CNP: variants seen among roughly 807,000 people sequenced by gnomAD.
The protein encoded by CNP is 2',3'-cyclic nucleotide 3' phosphodiesterase, also known as 2',3'-cyclic-nucleotide 3'-phosphodiesterase.
CNP carries 8 observed loss-of-function variants against 37.9 expected under a neutral mutation model. That is an observed-to-expected ratio of 0.21 (90% CI 0.12 to 0.38). The LOEUF (loss-of-function observed/expected upper bound fraction) is 0.38, where lower values mean the gene tolerates loss of function less well. Ranked by LOEUF, CNP falls within the 10% of genes least tolerant of loss-of-function variation. The pLI is 1.00. For missense variants in CNP, 457 were observed against 551.0 expected (o/e 0.83, Z 1.71); for synonymous variants, 237 against 238.3 (o/e 0.99, Z 0.05).
chr17:41,976,830 C>T lies in CNP; in HGVS notation c.*2906C>T. ...GGATTTTCTAAGGAAGATCACTTTG[C>T]TCTGATTATGGAAAAGTCTTCAAGG... On this transcript the variant is annotated 3_prime_UTR_variant, in exon 4 of 4. Coordinates refer to ENST00000393892, the MANE Select transcript of CNP (RefSeq NM_033133.5). 1 of 1,587,802 alleles carries T rather than the reference C, an allele frequency of 6.3e-7. No individual in the cohort carries two copies.
Position 41,977,528 on chromosome 17 carries a change from G to A in CNP, c.*3604G>A, listed in dbSNP as rs944491285. On this transcript the variant is annotated 3_prime_UTR_variant, in exon 4 of 4. Transcript: ENST00000393892. ...CTACCTGATCCCACTCCTAGGACATGTTCCCTTCTCCTTCCAACTGCTGCC... is the reference window on the plus strand; with the variant it reads ...CTACCTGATCCCACTCCTAGGACATATTCCCTTCTCCTTCCAACTGCTGCC... 3.0e-5 allele frequency: 14 copies of A among 467,518 alleles called. No individual in the cohort carries two copies. The highest frequency in any genetic ancestry group is 5.4e-5 in the Non-Finnish European group (14 of 260,514). The allele number at this position is 467,518 out of a possible 1,614,324, so 29.0% of individuals were successfully genotyped here. A position where few individuals can be genotyped will look rare whatever the true frequency, so the allele number is the denominator to read the frequency against.
chr17:41,971,960 G>T lies in CNP; in HGVS notation c.745G>T (p.Val249Leu), dbSNP rs782282780. Reference protein sequence around the residue: ...VTYFGKRPPGVLHCTTKFCDY... With the variant: ...VTYFGKRPPGLLHCTTKFCDY... ...CTACTTTGGAAAGAGACCCCCAGGC[G>T]TGCTGCATTGCACAACCAAGTTTTG... is the stretch of plus-strand genomic sequence containing the variant. The change falls in exon 3 of 4, where the codon GTG (valine) becomes TTG (leucine). Residue 249 changes from valine to leucine, a missense_variant. By Grantham distance (32) the Val-to-Leu change is conservative. Coordinates refer to ENST00000393892, the MANE Select transcript of CNP (RefSeq NM_033133.5). The T allele has an allele frequency of 6.2e-7, 1 of 1,613,962 alleles. No individual in the cohort carries two copies. The highest frequency in any genetic ancestry group is 8.5e-7 in the Non-Finnish European group (1 of 1,179,982).
In CNP at chr17:41,976,807, ATTTT is replaced by A. The variant is rs2051093841; in HGVS notation, c.*2884_*2887del. The stretch of plus-strand genomic sequence containing the variant: ...AAGAGGGGTTGGTAGTTGGCTATGG[ATTTT>A]CTAAGGAAGATCACTTTGCTCTGAT... On this transcript the variant is annotated 3_prime_UTR_variant, in exon 4 of 4. Transcript: ENST00000393892. 6.2e-7 allele frequency: 1 copy of A among 1,600,212 alleles called. No individual in the cohort carries two copies. Among genetic ancestry groups the A allele is most frequent in the Non-Finnish European group, 8.5e-7 (1 of 1,176,856 alleles).
chr17:41,972,111 C>T lies in CNP; in HGVS notation c.816+80C>T, dbSNP rs1012080521. 1.0e-5 allele frequency: 16 copies of T among 1,545,276 alleles called. No homozygotes were observed. The East Asian group carries it at 1.2e-4, about 11-fold the overall frequency. On this transcript the variant is annotated intron_variant, in intron 3 of 3. Transcript: ENST00000393892. The stretch of plus-strand genomic sequence containing the variant: ...TGCAGCATCTTCTGAAGATAGGTAC[C>T]GGTGCCAGGCAGGGACCAAAAACCA...
Position 41,968,820 on chromosome 17 carries a change from A to C in CNP, c.676+80A>C. 1 of 1,443,978 alleles carries C rather than the reference A, an allele frequency of 6.9e-7. No individual in the cohort carries two copies. Among genetic ancestry groups the C allele is most frequent in the Non-Finnish European group, 9.2e-7 (1 of 1,081,856 alleles). The allele number at this position is 1,443,978 out of a possible 1,614,324, so 89.4% of individuals were successfully genotyped here. On this transcript the variant is annotated intron_variant, in intron 2 of 3. Coordinates refer to ENST00000393892, the MANE Select transcript of CNP (RefSeq NM_033133.5). The surrounding 1 kb of genome is among the most constrained non-coding windows in gnomAD (Gnocchi z 4.8). Reference sequence around the variant, plus strand: ...GGGCAAAGGACCATCATTGTACTCAAAGGATGGAGCACGAAGCAGCAGGAG... The same window carrying C: ...GGGCAAAGGACCATCATTGTACTCACAGGATGGAGCACGAAGCAGCAGGAG...
Position 41,974,072 on chromosome 17 carries a change from T to C in CNP, c.*148T>C. 1.5e-6 allele frequency: 1 copy of C among 662,628 alleles called. No individual in the cohort carries two copies. The allele number at this position is 662,628 out of a possible 1,614,324, so 41.0% of individuals were successfully genotyped here. On this transcript the variant is annotated 3_prime_UTR_variant, in exon 4 of 4. Coordinates refer to ENST00000393892, the MANE Select transcript of CNP (RefSeq NM_033133.5). ...ACTTTTTAAAAACTTGTAAAATAACTGACCCTCCCTTCCTGTCCGCCCTCT... is the reference window on the plus strand; with the variant it reads ...ACTTTTTAAAAACTTGTAAAATAACCGACCCTCCCTTCCTGTCCGCCCTCT...
At position 41,966,893 on chromosome 17, in the gene CNP, A is replaced by G. The variant is rs903089988; in HGVS notation, c.3+6A>G. On this transcript the variant is annotated splice_donor_region_variant and intron_variant, in intron 1 of 3. Transcript: ENST00000393892. ...TGGCGCCCCTCCTCATCATGGTGAGAGGCCGGGCGGGGCCGGGCACGGGGT... is the reference window on the plus strand; with the variant it reads ...TGGCGCCCCTCCTCATCATGGTGAGGGGCCGGGCGGGGCCGGGCACGGGGT... The G allele has an allele frequency of 5.2e-6, 7 of 1,348,182 alleles. No homozygotes were observed. The highest frequency in any genetic ancestry group is 3.9e-5 in the Admixed American group (1 of 25,896). 83.5% of individuals were successfully genotyped at this position (1,348,182 alleles called of 1,614,324 possible).
Position 41,974,806 on chromosome 17 carries a change from G to T in CNP, c.*882G>T, listed in dbSNP as rs951022668. ...GCTCCGCTGTGTGGATGGGGAGATCGGGGCCAGAGGCAGAACCCTGGTGAG... is the reference window on the plus strand; with the variant it reads ...GCTCCGCTGTGTGGATGGGGAGATCTGGGCCAGAGGCAGAACCCTGGTGAG... On this transcript the variant is annotated 3_prime_UTR_variant, in exon 4 of 4. Coordinates refer to ENST00000393892, the MANE Select transcript of CNP (RefSeq NM_033133.5). The T allele has an allele frequency of 1.3e-5, 2 of 152,342 alleles. No homozygotes were observed. The highest frequency in any genetic ancestry group is 4.8e-5 in the African/African-American group (2 of 41,442). The allele number at this position is 152,342 out of a possible 1,614,324, so 9.4% of individuals were successfully genotyped here.
At position 41,976,277 on chromosome 17, in the gene CNP, C is replaced by T. The variant is rs554096681; in HGVS notation, c.*2353C>T. On this transcript the variant is annotated 3_prime_UTR_variant, in exon 4 of 4. Transcript: ENST00000393892. The stretch of plus-strand genomic sequence containing the variant: ...AGGCACAGCCGGGGCCTGCCTAGCA[C>T]TCACATGCTGGACAGGTCTGGGAGA... 9 of 173,922 alleles carry T rather than the reference C, an allele frequency of 5.2e-5. No individual in the cohort carries two copies. In the South Asian group the frequency reaches 1.2e-3, roughly 23 times the overall value. 10.8% of individuals were successfully genotyped at this position (173,922 alleles called of 1,614,324 possible).
At position 41,977,198 on chromosome 17, in the gene CNP, T is replaced by G; in HGVS notation, c.*3274T>G. ...CCCCTCTGACTCCCAAAGAGCTGCC[T>G]AAGAGGCAATGAGTGTGTTGGCTTG... On this transcript the variant is annotated 3_prime_UTR_variant, in exon 4 of 4. Coordinates refer to ENST00000393892, the MANE Select transcript of CNP (RefSeq NM_033133.5). The G allele has an allele frequency of 6.6e-7, 1 of 1,514,214 alleles. No individual in the cohort carries two copies. The highest frequency in any genetic ancestry group is 9.0e-7 in the Non-Finnish European group (1 of 1,113,196). The allele number at this position is 1,514,214 out of a possible 1,614,324, so 93.8% of individuals were successfully genotyped here.
rs529263304 is a variant in CNP, at chr17:41,973,946, C to G, written c.*22C>G. ...ATGAGTGTTCTCACCACCACTTATG[C>G]CCCTAGAAGGGAAGGGGAGAGGGAA... is the stretch of plus-strand genomic sequence containing the variant. On this transcript the variant is annotated 3_prime_UTR_variant, in exon 4 of 4. Coordinates refer to ENST00000393892, the MANE Select transcript of CNP (RefSeq NM_033133.5). The G allele has an allele frequency of 7.9e-5, 115 of 1,451,992 alleles. No homozygotes were observed. The South Asian group carries it at 1.6e-3, about 20-fold the overall frequency. The allele number at this position is 1,451,992 out of a possible 1,614,324, so 89.9% of individuals were successfully genotyped here.
Position 41,977,589 on chromosome 17 carries a change from T to C in CNP, c.*3665T>C, listed in dbSNP as rs921605358. On this transcript the variant is annotated 3_prime_UTR_variant, in exon 4 of 4. Transcript: ENST00000393892. Reference sequence around the variant, plus strand: ...CTTTCTCTGCTTCAGCTTGCTTCATTGGGCTGTTTTCTCAACAAATGGAAT... The same window carrying C: ...CTTTCTCTGCTTCAGCTTGCTTCATCGGGCTGTTTTCTCAACAAATGGAAT... 1.5e-5 allele frequency: 5 copies of C among 338,344 alleles called. No individual in the cohort carries two copies. The South Asian group carries it at 2.1e-4, about 14-fold the overall frequency. The allele number at this position is 338,344 out of a possible 1,614,324, so 21.0% of individuals were successfully genotyped here. A position where few individuals can be genotyped will look rare whatever the true frequency, so the allele number is the denominator to read the frequency against.
Position 41,976,594 on chromosome 17 carries a change from G to A in CNP, c.*2670G>A, listed in dbSNP as rs1598109084. The stretch of plus-strand genomic sequence containing the variant: ...CCCTTTGCTCCACCCCACTCACAGA[G>A]ACACAGGGCATCCAACTGAGAAAAC... On this transcript the variant is annotated 3_prime_UTR_variant, in exon 4 of 4. Transcript: ENST00000393892. The A allele has an allele frequency of 6.3e-6, 7 of 1,116,466 alleles. No homozygotes were observed. The East Asian group carries it at 1.9e-4, about 30-fold the overall frequency. The allele number at this position is 1,116,466 out of a possible 1,614,324, so 69.2% of individuals were successfully genotyped here.
intron 3 of CNP, among the ~76,000 whole-genome samples, chr17:41,973,090 C>T (rs2051014348): frequency 6.6e-6 from 1 of 152,230 alleles, no homozygotes; most frequent in Admixed American, 6.5e-5. Context: ...GGCTGTTTAC[C>T]TAGTCACTCT....
rs112245622 is a variant in CNP at position 41,969,799 on chromosome 17, G to A, written c.676+1059G>A. Among the ~76,000 whole-genome samples, 898 of 152,212 alleles carry A rather than the reference G, an allele frequency of 5.9e-3. 7 individuals carry two copies. Among genetic ancestry groups the A allele is most frequent in the African/African-American group, 0.021 (864 of 41,538 alleles). On this transcript the variant is annotated intron_variant, in intron 2 of 3. Transcript: ENST00000393892. ...TTGAACTCCTGACCTCAGGTGATCCGCTTGCCTTGGCCTCCCAAAGTGCTG... is the reference window on the plus strand; with the variant it reads ...TTGAACTCCTGACCTCAGGTGATCCACTTGCCTTGGCCTCCCAAAGTGCTG...
chr17:41,972,344 C>T (rs2051002456), intron 3 of CNP, among the ~76,000 whole-genome samples: 1 of 152,030 alleles, frequency 6.6e-6, no homozygotes, highest in Admixed American at 6.6e-5. Flanking sequence ...CTCTCTGAGC[C>T]TGTTTTACCT....
chr17:41,967,953 G>C, intron 1 of CNP, 115 bp from the exon 2 acceptor site: 1 of 1,502,048 alleles, frequency 6.7e-7, no homozygotes, highest in South Asian at 1.4e-5. Context: ...AGGGAAAGAA[G>C]GTCCAGCACT....
At chr17:41,972,575 A>G (rs2051006257) in intron 3 of CNP, among the ~76,000 whole-genome samples, 1 of 152,170 alleles carries the variant, frequency 6.6e-6, no homozygotes, top group Non-Finnish European at 1.5e-5. Flanking sequence ...TGTCACCCAT[A>G]TCCACAGTCT....
rs1466219301 is a variant in CNP at position 41,977,397 on chromosome 17, C to T, written c.*3473C>T. ...AGAAATGTTCGAAGAGAACTGATGA[C>T]ACTGAGAACAGATCTCCAAAGCTTT... On this transcript the variant is annotated 3_prime_UTR_variant, in exon 4 of 4. Coordinates refer to ENST00000393892, the MANE Select transcript of CNP (RefSeq NM_033133.5). 10 of 1,324,128 alleles carry T rather than the reference C, an allele frequency of 7.6e-6. No individual in the cohort carries two copies. In the Admixed American group the frequency reaches 1.8e-4, roughly 24 times the overall value. 82.0% of individuals were successfully genotyped at this position (1,324,128 alleles called of 1,614,324 possible).
Sources: allele counts gnomAD v4.1 joint callset (sites outside exome capture counted in the v4.1 genomes callset), GRCh38; gene constraint gnomAD v4.1.1; non-coding constraint Gnocchi (gnomAD v3.1); transcripts MANE v1.5; gene names NCBI Gene and HGNC (gene_info 2026-07-23, HGNC 2026-07-21).